ARHGAP29: variants seen among roughly 807,000 people sequenced by gnomAD.
ARHGAP29 encodes the protein rho GTPase-activating protein 29.
ARHGAP29 carries 43 observed loss-of-function variants against 122.6 expected under a neutral mutation model. The ratio of observed to expected loss-of-function variants is 0.35; its 90% CI spans 0.27 to 0.45. ARHGAP29 has a LOEUF of 0.45. ARHGAP29 is among the 20% of genes least tolerant of loss of function. The pLI, the probability that ARHGAP29 is intolerant of heterozygous loss-of-function variation, is 1.00. For missense variants in ARHGAP29, 1,303 were observed against 1,477.2 expected, an observed-to-expected ratio of 0.88 and a Z score of 1.93; for synonymous variants, 506 against 497.1, an observed-to-expected ratio of 1.02 and a Z score of -0.24.
At chr1:94,201,885 A>T (rs1373689732) in intron 11 of ARHGAP29, 28 bp from the exon 12 acceptor site, 1 of 1,076,646 alleles carries the variant, frequency 9.3e-7, no homozygotes, top group Non-Finnish European at 1.3e-6. Context: ...AAAAAAAAAT[A>T]ACACTAGAAT....
At chr1:94,269,092 C>A (rs1654893896) in intron 1 of ARHGAP29, among the ~76,000 whole-genome samples, 1 of 152,120 alleles carries the variant, frequency 6.6e-6, no homozygotes, top group Non-Finnish European at 1.5e-5. Flanking sequence ...AAAGAAATAG[C>A]TATTTCATCA....
chr1:94,253,636 A>ACGCACGCACGCACGCACGCACG (rs1553214897), intron 1 of ARHGAP29, among the ~76,000 whole-genome samples: 1 of 149,232 alleles, frequency 6.7e-6, no homozygotes, highest in Non-Finnish European at 1.5e-5. Flanking sequence ...TCTGGAACAC[A>ACGCACGCACGCACGCACGCACG]CACGCACGCA....
chr1:94,277,498 A>G (rs1422793468), upstream of ARHGAP29, among the ~76,000 whole-genome samples: 1 of 152,158 alleles, frequency 6.6e-6, no homozygotes, highest in Non-Finnish European at 1.5e-5. Context: ...ATTTATTATA[A>G]AAAGTATATG....
chr1:94,274,243 C>T (rs987158897), intron 1 of ARHGAP29, among the ~76,000 whole-genome samples: 1 of 152,104 alleles, frequency 6.6e-6, no homozygotes, highest in East Asian at 1.9e-4. Flanking sequence ...ACTCTGTTGT[C>T]GTATCGTGAA....
rs1416983557 is a variant in ARHGAP29, at chr1:94,173,987, G to A, written c.3668C>T (p.Pro1223Leu). Reference protein sequence around the residue: ...SACPGQATGQPKEDSEELGLP... With the variant: ...SACPGQATGQLKEDSEELGLP... ...GCCAAGCTCCTCAGAGTCTTCTTTA[G>A]GTTGACCAGTTGCTTGCCCAGGACA... Residue 1223 changes from proline (P) to leucine (L), a missense_variant, in exon 23 of 23, where the codon CCT becomes CTT. By Grantham distance (98) the Pro-to-Leu change is moderately conservative. Transcript: ENST00000260526. 5.0e-6 allele frequency: 8 copies of A among 1,614,180 alleles called. No individual in the cohort carries two copies. The highest frequency in any genetic ancestry group is 1.6e-4 in the Middle Eastern group (1 of 6,062).
chr1:94,289,280 G>A, the ARHGAP29 span, among the ~76,000 whole-genome samples: 2 of 152,102 alleles, frequency 1.3e-5, no homozygotes, highest in Non-Finnish European at 2.9e-5. Context: ...TCATGATTTG[G>A]CTCTCTGTTT....
intron 1 of ARHGAP29, among the ~76,000 whole-genome samples, chr1:94,263,513 T>C (rs1286047633): frequency 1.3e-5 from 2 of 152,152 alleles, no homozygotes; most frequent in African/African-American, 4.8e-5. Context: ...TTATGAAATA[T>C]CACATGAGGA....
the ARHGAP29 span, among the ~76,000 whole-genome samples, chr1:94,285,029 G>A: frequency 6.6e-6 from 1 of 152,180 alleles, no homozygotes; most frequent in Non-Finnish European, 1.5e-5. Flanking sequence ...TTTGTCAACT[G>A]TACTTATTTC....
chr1:94,177,843 C>T lies in ARHGAP29; in HGVS notation c.2796+9G>A. 1 of 1,600,712 alleles carries T rather than the reference C, an allele frequency of 6.2e-7. No individual in the cohort carries two copies. The highest frequency in any genetic ancestry group is 2.2e-5 in the East Asian group (1 of 44,816). ...AGTTCTAATATAATTCTATAAAGGT[C>T]AAACTCACTTCCTTTGAAGAAAAAA... On this transcript the variant is annotated intron_variant, in intron 21 of 22. Transcript: ENST00000260526.
intron 1 of ARHGAP29, among the ~76,000 whole-genome samples, chr1:94,272,124 T>A (rs1380016062): frequency 6.6e-6 from 1 of 152,050 alleles, no homozygotes; most frequent in African/African-American, 2.4e-5. Context: ...ACAGCTCAGA[T>A]CTCTCAGAGA....
the ARHGAP29 span, among the ~76,000 whole-genome samples, chr1:94,295,012 GAGAAAAGAGGTA>G: frequency 1.3e-4 from 20 of 152,326 alleles, 3 homozygotes; most frequent in African/African-American, 4.3e-4. Context: ...GAATTAAGGT[GAGAAAAGAGGTA>G]AGAAAGGTAA....
At chr1:94,300,116 A>T in the ARHGAP29 span, among the ~76,000 whole-genome samples, 1 of 152,294 alleles carries the variant, frequency 6.6e-6, no homozygotes, top group Non-Finnish European at 1.5e-5. Flanking sequence ...GCCCACCTGT[A>T]CTTCTTCCTT....
At chr1:94,266,385 C>T (rs1654772683) in intron 1 of ARHGAP29, among the ~76,000 whole-genome samples, 2 of 152,330 alleles carry the variant, frequency 1.3e-5, no homozygotes, top group South Asian at 2.1e-4. Flanking sequence ...AATATTCTCT[C>T]ACCTCCAAAT....
At chr1:94,214,196 A>G (rs1651820083) in intron 3 of ARHGAP29, among the ~76,000 whole-genome samples, 1 of 152,224 alleles carries the variant, frequency 6.6e-6, no homozygotes, top group East Asian at 1.9e-4. Flanking sequence ...GAGAGGAATG[A>G]CTGAGAAAAC....
At chr1:94,265,133 C>T (rs747887691) in intron 1 of ARHGAP29, among the ~76,000 whole-genome samples, 1 of 152,200 alleles carries the variant, frequency 6.6e-6, no homozygotes, top group Non-Finnish European at 1.5e-5. Flanking sequence ...CATCCCAGCC[C>T]TTCCCTACTT....
the ARHGAP29 span, among the ~76,000 whole-genome samples, chr1:94,287,053 G>A: frequency 3.3e-5 from 5 of 152,180 alleles, no homozygotes; most frequent in Admixed American, 2.6e-4. Flanking sequence ...ACAGTCACAA[G>A]TCCAGGGCTC....
intron 5 of ARHGAP29, 120 bp downstream of exon 5, chr1:94,208,712 G>T: frequency 1.1e-6 from 1 of 872,134 alleles, no homozygotes; most frequent in Non-Finnish European, 1.8e-6. Context: ...CGCCCACCTC[G>T]GCCTCCCAAA....
rs190285699 is a variant in ARHGAP29, at chr1:94,270,020, C to T, written c.-33+4992G>A. Among the ~76,000 whole-genome samples the T allele has an allele frequency of 7.2e-5, 11 of 152,236 alleles. No individual in the cohort carries two copies. In the East Asian group the frequency reaches 7.7e-4, roughly 11 times the overall value. On this transcript the variant is annotated intron_variant and NMD_transcript_variant, in intron 1 of 25. Transcript: ENST00000552844. ...AATATTACAGTTTTGCTCCAGGCTACGTTAACTATCCTAATCATTTGTCAT... is the reference window on the plus strand; with the variant it reads ...AATATTACAGTTTTGCTCCAGGCTATGTTAACTATCCTAATCATTTGTCAT...
At position 94,236,496 on chromosome 1, in the gene ARHGAP29, CAGAT is replaced by C. The variant is rs1653271081; in HGVS notation, c.-33+915_-33+918del. On this transcript the variant is annotated intron_variant, in intron 1 of 22. Transcript: ENST00000260526. ...TAGACAAGAGATACAGTCACAGAGA[CAGAT>C]GGAGAGAAGGGAAGGAGAGCTCAGC... Among the ~76,000 whole-genome samples the C allele has an allele frequency of 2.6e-5, 4 of 152,240 alleles. No homozygotes were observed. The South Asian group carries it at 8.3e-4, about 32-fold the overall frequency.
Sources: allele counts gnomAD v4.1 joint callset (sites outside exome capture counted in the v4.1 genomes callset), GRCh38; gene constraint gnomAD v4.1.1; transcripts MANE v1.5; gene names NCBI Gene and HGNC (gene_info 2026-07-23, HGNC 2026-07-21).